Variants in NBAS observed in about 807,000 individuals in gnomAD.
NBAS encodes the protein NAG/BC035112 fusion.
Under a neutral mutation model 302.5 loss-of-function variants are expected in NBAS, and 219 were observed. The ratio of observed to expected loss-of-function variants is 0.72; its 90% CI spans 0.65 to 0.81. The LOEUF (loss-of-function observed/expected upper bound fraction) is 0.81. NBAS is among the 30% of genes least tolerant of loss of function. NBAS has a pLI of 0.00. For synonymous variants in NBAS, 1,118 were observed against 1,021.6 expected (o/e 1.09, Z -1.80); for missense variants, 2,932 against 2,841.6 (o/e 1.03, Z -0.72).
intron 40 of NBAS, 21 bp downstream of exon 40, chr2:15,308,195 C>A (rs1362794389): frequency 6.2e-7 from 1 of 1,613,958 alleles, no homozygotes; most frequent in Non-Finnish European, 8.5e-7. Context: ...CAATAATAAG[C>A]TGGAAATCAT....
At chr2:14,897,577 G>A in the NBAS span, among the ~76,000 whole-genome samples, 1 of 151,176 alleles carries the variant, frequency 6.6e-6, no homozygotes, top group African/African-American at 2.4e-5. Context: ...TTTTGGTTGA[G>A]GAAGTACTAA....
At chr2:15,097,581 T>C in the NBAS span, among the ~76,000 whole-genome samples, 1 of 151,914 alleles carries the variant, frequency 6.6e-6, no homozygotes, top group East Asian at 1.9e-4. Context: ...TAAGGACCCT[T>C]TTCTGAGTTG....
chr2:15,555,969 T>C (rs1309405708), intron 3 of NBAS, among the ~76,000 whole-genome samples: 2 of 152,038 alleles, frequency 1.3e-5, no homozygotes, highest in Non-Finnish European at 2.9e-5. Flanking sequence ...CCTCCCACAC[T>C]CCTATCCTCT....
intron 32 of NBAS, among the ~76,000 whole-genome samples, chr2:15,364,311 C>A (rs922654987): frequency 1.3e-5 from 2 of 152,160 alleles, no homozygotes; most frequent in Non-Finnish European, 2.9e-5. Context: ...GCAGGTGGAT[C>A]ACCTGAAGTT....
At chr2:15,419,912 C>T (rs1210310582) in intron 23 of NBAS, among the ~76,000 whole-genome samples, 1 of 152,056 alleles carries the variant, frequency 6.6e-6, no homozygotes, top group Non-Finnish European at 1.5e-5. Context: ...TGGCGTTTCA[C>T]CATGTTAGCC....
chr2:15,068,841 T>C, the NBAS span, among the ~76,000 whole-genome samples: 32 of 152,330 alleles, frequency 2.1e-4, no homozygotes, highest in African/African-American at 7.7e-4. Flanking sequence ...ACCTGAAACT[T>C]GGTAATTTAT....
At chr2:15,495,402 G>A (rs1225805090) in intron 11 of NBAS, among the ~76,000 whole-genome samples, 1 of 151,762 alleles carries the variant, frequency 6.6e-6, no homozygotes, top group Non-Finnish European at 1.5e-5. Flanking sequence ...AAGAATAAAG[G>A]AAACACCACT....
chr2:15,545,896 C>T (rs914899915), intron 6 of NBAS, among the ~76,000 whole-genome samples: 2 of 152,172 alleles, frequency 1.3e-5, no homozygotes, highest in Non-Finnish European at 2.9e-5. Context: ...ATGTTTTACA[C>T]AATTATCTGC....
chr2:14,932,030 C>T, the NBAS span, among the ~76,000 whole-genome samples: 8 of 152,148 alleles, frequency 5.3e-5, no homozygotes, highest in Non-Finnish European at 1.2e-4. Flanking sequence ...TAGGATTATA[C>T]GTATCACCTT....
rs757685085 is a variant in NBAS at position 15,234,696 on chromosome 2, CTT to C, written c.5993_5994del (p.Lys1998ArgfsTer5). 10 of 1,614,136 alleles carry C rather than the reference CTT, an allele frequency of 6.2e-6. No individual in the cohort carries two copies. The highest frequency in any genetic ancestry group is 7.6e-6 in the Non-Finnish European group (9 of 1,180,004). On this transcript the variant is annotated frameshift_variant, in exon 46 of 52. Transcript: ENST00000281513. LOFTEE classifies it high-confidence loss of function. ...GCCACAGCTTCATCATGAAGTTTCT[CTT>C]TTTCTGATCGGGACAGATCATAGAG... The part of the protein sequence containing the change: ...SHLYDLSRSE[K>X]EKLHDEAVAI...
chr2:15,171,180 C>T (rs1279193392), intron 51 of NBAS, among the ~76,000 whole-genome samples: 1 of 152,130 alleles, frequency 6.6e-6, no homozygotes, highest in East Asian at 1.9e-4. Flanking sequence ...AACATGCCAC[C>T]TTCTTGCTGA....
At chr2:15,475,980 C>T (rs967647448) in intron 13 of NBAS, 100 bp from the exon 14 acceptor site, 2 of 937,422 alleles carry the variant, frequency 2.1e-6, no homozygotes. Flanking sequence ...AATTTATCTA[C>T]ATTATTTGGG....
intron 21 of NBAS, among the ~76,000 whole-genome samples, chr2:15,456,947 T>C (rs1234738003): frequency 6.6e-6 from 1 of 152,070 alleles, no homozygotes; most frequent in Non-Finnish European, 1.5e-5. Flanking sequence ...AAAGTGAAGC[T>C]TATATGAAAA....
chr2:14,858,913 T>C, the NBAS span, among the ~76,000 whole-genome samples: 1 of 152,046 alleles, frequency 6.6e-6, no homozygotes, highest in African/African-American at 2.4e-5. Flanking sequence ...TGCATACCTA[T>C]ATCGAAATAT....
In NBAS at chr2:15,442,766, A is replaced by G. The variant is rs577372952; in HGVS notation, c.2340-14972T>C. Among the ~76,000 whole-genome samples the G allele has an allele frequency of 2.0e-5, 3 of 152,056 alleles. No individual in the cohort carries two copies. In the South Asian group the frequency reaches 6.2e-4, roughly 32 times the overall value. ...TTGATAGACCACTAGCAAGACTAAT[A>G]AAGAAAAAAAGAGAGAAGAATCAAA... On this transcript the variant is annotated intron_variant, in intron 21 of 51. Coordinates refer to ENST00000281513, the MANE Select transcript of NBAS (RefSeq NM_015909.4).
chr2:15,532,155 C>A (rs558374461), intron 9 of NBAS, among the ~76,000 whole-genome samples: 1 of 152,180 alleles, frequency 6.6e-6, no homozygotes, highest in South Asian at 2.1e-4. Context: ...ATACAAGCTT[C>A]TTTTCTTACC....
chr2:15,556,817 G>A lies in NBAS; in HGVS notation c.175C>T (p.Arg59Cys). 1.9e-6 allele frequency: 3 copies of A among 1,609,748 alleles called. No homozygotes were observed. Among genetic ancestry groups the A allele is most frequent in the African/African-American group, 1.3e-5 (1 of 74,848 alleles). ...SFIITKAIRD[R>C]LLFLRQYIWY... is the part of the protein sequence containing the mutation. ...ATGTATTGGCGTAAAAATAATAAAC[G>A]ATCTGTAATCAAAAGAAATGGCAAA... The change falls in exon 3 of 52, where the codon CGT becomes TGT. Residue 59 changes from arginine (R) to cysteine (C), a missense_variant and splice_region_variant. Physicochemically the swap from Arg to Cys is radical, Grantham distance 180 (BLOSUM62 -3). Transcript: ENST00000281513.
the NBAS span, among the ~76,000 whole-genome samples, chr2:14,944,011 T>C: frequency 6.6e-6 from 1 of 152,108 alleles, no homozygotes; most frequent in South Asian, 2.1e-4. Context: ...AAAAAACTAC[T>C]AATCCCTGCC....
At position 15,190,335 on chromosome 2, in the gene NBAS, A is replaced by T; in HGVS notation, c.6501T>A (p.Ser2167Arg). ...AGTGCTGAAATTCAGCCTCGTGGTG[A>T]CTAGATTCCAGGAGTTCCATGAATA... is the stretch of plus-strand genomic sequence containing the variant. ...YCLFMELLES[S>R]HHEAEFQHLV... The change falls in exon 49 of 52, where the codon AGT becomes AGA. Residue 2167 changes from serine (S) to arginine (R), a missense_variant. Ser to Arg is a moderately radical substitution (Grantham distance 110). Coordinates refer to ENST00000281513, the MANE Select transcript of NBAS (RefSeq NM_015909.4). 1 of 1,614,044 alleles carries T rather than the reference A, an allele frequency of 6.2e-7. No individual in the cohort carries two copies. The highest frequency in any genetic ancestry group is 8.5e-7 in the Non-Finnish European group (1 of 1,179,942).
Sources: allele counts gnomAD v4.1 joint callset (sites outside exome capture counted in the v4.1 genomes callset), GRCh38; gene constraint gnomAD v4.1.1; transcripts MANE v1.5; gene names NCBI Gene and HGNC (gene_info 2026-07-23, HGNC 2026-07-21).